EPS8L1: variants seen among roughly 807,000 people sequenced by gnomAD.
The protein encoded by EPS8L1 is epidermal growth factor receptor kinase substrate 8-like protein 1.
EPS8L1 carries 101 observed loss-of-function variants against 91.7 expected under a neutral mutation model. The observed-to-expected ratio is 1.10, with a 90% confidence interval of 0.94 to 1.30. The LOEUF is 1.30. Among genes scored for constraint, EPS8L1 ranks in the 50% most tolerant of loss-of-function variants. The pLI is 0.00. For missense variants in EPS8L1, 1,114 were observed against 1,017.0 expected, an observed-to-expected ratio of 1.10 and a Z score of -1.30; for synonymous variants, 506 against 445.3, an observed-to-expected ratio of 1.14 and a Z score of -1.72.
intron 3 of EPS8L1, 49 bp downstream of exon 3, chr19:55,078,177 A>G (rs967994384): frequency 1.9e-6 from 3 of 1,575,666 alleles, no homozygotes; most frequent in Admixed American, 1.7e-5. Context: ...GGGTCTAAAG[A>G]AACAGGACCT....
Position 55,079,869 on chromosome 19 carries a change from G to A in EPS8L1, c.279+18G>A. ...CCTCCAAGGTGCCGGGGGGCACGTGGGTGGGAGGAGTGTCTGGGGCAGGGA... is the reference window on the plus strand; with the variant it reads ...CCTCCAAGGTGCCGGGGGGCACGTGAGTGGGAGGAGTGTCTGGGGCAGGGA... On this transcript the variant is annotated intron_variant, in intron 5 of 19. Transcript: ENST00000201647. 1 of 1,600,846 alleles carries A rather than the reference G, an allele frequency of 6.2e-7. No homozygotes were observed. The highest frequency in any genetic ancestry group is 1.7e-5 in the Admixed American group (1 of 58,418).
At position 55,081,037 on chromosome 19, in the gene EPS8L1, G is replaced by T; in HGVS notation, c.512+183G>T. 1 of 925,094 alleles carries T rather than the reference G, an allele frequency of 1.1e-6. No individual in the cohort carries two copies. Among genetic ancestry groups the T allele is most frequent in the Non-Finnish European group, 1.6e-6 (1 of 632,904 alleles). 57.3% of individuals were successfully genotyped at this position (925,094 alleles called of 1,614,324 possible). A position where few individuals can be genotyped will look rare whatever the true frequency, so the allele number is the denominator to read the frequency against. On this transcript the variant is annotated intron_variant, in intron 7 of 19. Coordinates refer to ENST00000201647, the MANE Select transcript of EPS8L1 (RefSeq NM_133180.3). This position sits in a 1 kb window ranked among gnomAD's most constrained non-coding sequence, Gnocchi z 4.9. The stretch of plus-strand genomic sequence containing the variant: ...CTCCAGAACTCTGCTTCTTTTCTCT[G>T]TTCCCTGTCCAGGCCCTCAGTTTCA...
chr19:55,081,479 C>A lies in EPS8L1; in HGVS notation c.761C>A (p.Ala254Glu). The change falls in exon 8 of 20, where the codon GCG (alanine) becomes GAG (glutamate). Residue 254 changes from alanine (A) to glutamate (E), a missense_variant. Transcript: ENST00000201647. The surrounding 1 kb of genome is among the most constrained non-coding windows in gnomAD (Gnocchi z 4.9). Reference protein sequence around the residue: ...PRGPDLAVLQAEREVDILNHV... With the variant: ...PRGPDLAVLQEEREVDILNHV... ...GGTCCTGACCTGGCGGTTCTGCAGG[C>A]GGAGCGGGAAGTGGTGAGCCGCTAA... The A allele has an allele frequency of 6.3e-7, 1 of 1,587,936 alleles. No individual in the cohort carries two copies. The highest frequency in any genetic ancestry group is 8.6e-7 in the Non-Finnish European group (1 of 1,167,800).
chr19:55,080,198 CGCTCGTTGCTGCT>C lies in EPS8L1; in HGVS notation c.356_368del (p.Leu119CysfsTer24), dbSNP rs1232862652. On this transcript the variant is annotated frameshift_variant, in exon 6 of 20. Transcript: ENST00000201647. LOFTEE classifies it high-confidence loss of function. ...CGCGGTGATGCCACCCGGCAGGAGCCGCTCGTTGCTGCTGCTCGTGTGCCAGGAACCCGAGCGC... is the reference window on the plus strand; with the variant it reads ...CGCGGTGATGCCACCCGGCAGGAGCCGCTCGTGTGCCAGGAACCCGAGCGC... The C allele has an allele frequency of 6.5e-7, 1 of 1,537,312 alleles. No homozygotes were observed. Among genetic ancestry groups the C allele is most frequent in the African/African-American group, 1.4e-5 (1 of 72,976 alleles).
At position 55,083,714 on chromosome 19, in the gene EPS8L1, C is replaced by T. The variant is rs1418417727; in HGVS notation, c.1385+70C>T. The T allele has an allele frequency of 3.2e-6, 5 of 1,549,138 alleles. No individual in the cohort carries two copies. The African/African-American group carries it at 6.8e-5, about 21-fold the overall frequency. On this transcript the variant is annotated intron_variant, in intron 14 of 19. Coordinates refer to ENST00000201647, the MANE Select transcript of EPS8L1 (RefSeq NM_133180.3). This position sits in a 1 kb window ranked among gnomAD's most constrained non-coding sequence, Gnocchi z 4.7. ...GCGTCCCGGGGGCTCCCGATGCTGA[C>T]TCCGCCCCCTTTTTTTCTGTGTTTT...
chr19:55,086,873 A>AGG lies in EPS8L1; in HGVS notation c.1939_1940dup (p.Phe648AlafsTer13). On this transcript the variant is annotated frameshift_variant, in exon 18 of 20. Transcript: ENST00000201647. LOFTEE classifies it high-confidence loss of function. ...GAGGTCCGCGCCTGGCTGCAGGCCA[A>AGG]GGGCTTTAGCTCCGGGTGAGTGGGG... 1 of 1,457,978 alleles carries AGG rather than the reference A, an allele frequency of 6.9e-7. No individual in the cohort carries two copies. The highest frequency in any genetic ancestry group is 1.5e-5 in the African/African-American group (1 of 67,586). The allele number at this position is 1,457,978 out of a possible 1,614,324, so 90.3% of individuals were successfully genotyped here.
chr19:55,078,383 G>A (rs12983235), intron 3 of EPS8L1, among the ~76,000 whole-genome samples: 35 of 69,832 alleles, frequency 5.0e-4, no homozygotes, highest in Middle Eastern at 6.6e-3. Context: ...TGGACTCCTG[G>A]GTCAGAGGGA....
chr19:55,077,584 CTTTTTTTTT>C (rs35750835), intron 2 of EPS8L1, among the ~76,000 whole-genome samples: 2 of 76,878 alleles, frequency 2.6e-5, no homozygotes, highest in African/African-American at 1.0e-4. Flanking sequence ...CCTGACCTGT[CTTTTTTTTT>C]TTTTTTTTTT....
chr19:55,079,476 G>A (rs1405072407), intron 4 of EPS8L1: 3 of 620,492 alleles, frequency 4.8e-6, no homozygotes, highest in Non-Finnish European at 8.3e-6. Flanking sequence ...GGAGCCTCCA[G>A]TCTGTGAGAA....
At chr19:55,086,569 C>T in intron 17 of EPS8L1, 51 bp downstream of exon 17, 2 of 1,541,204 alleles carry the variant, frequency 1.3e-6, no homozygotes, top group Non-Finnish European at 1.8e-6. Flanking sequence ...CCTTGCTTTC[C>T]AGGCAGAGAA....
Position 55,082,467 on chromosome 19 carries a change from C to CG in EPS8L1, c.1086dup (p.Pro363AlafsTer28), listed in dbSNP as rs746955003. On this transcript the variant is annotated frameshift_variant, in exon 12 of 20. Transcript: ENST00000201647. LOFTEE classifies it high-confidence loss of function. ...CTCCCCTGACAGATTGTGAACACGT[C>CG]GGGGGGGCCGGAGTTCGCGAGCAGT... 22 of 1,611,920 alleles carry CG rather than the reference C, an allele frequency of 1.4e-5. No individual in the cohort carries two copies. Among genetic ancestry groups the CG allele is most frequent in the African/African-American group, 1.2e-4 (9 of 74,862 alleles).
chr19:55,083,513 C>T lies in EPS8L1; in HGVS notation c.1350C>T (p.Arg450=), dbSNP rs1298525089. 6 of 1,609,960 alleles carry T rather than the reference C, an allele frequency of 3.7e-6. No homozygotes were observed. The African/African-American group carries it at 4.0e-5, about 11-fold the overall frequency. The part of the protein sequence containing the change: ...VEKQLQHERR[R]RQQSAPQVAV... ...AACAGCTACAGCACGAGCGGAGGCGCCGGCAGGTGACCCAAGCGACACAGC... is the reference window on the plus strand; with the variant it reads ...AACAGCTACAGCACGAGCGGAGGCGTCGGCAGGTGACCCAAGCGACACAGC... The change falls in exon 13 of 20, where the codon CGC becomes CGT. Residue 450 remains arginine, a synonymous_variant. Coordinates refer to ENST00000201647, the MANE Select transcript of EPS8L1 (RefSeq NM_133180.3). The surrounding 1 kb of genome is among the most constrained non-coding windows in gnomAD (Gnocchi z 4.7).
chr19:55,079,650 T>A (rs372421622), intron 4 of EPS8L1, 40 bp from the exon 5 acceptor site: 6 of 1,592,740 alleles, frequency 3.8e-6, no homozygotes, highest in Non-Finnish European at 5.1e-6. Flanking sequence ...CCACCTGGCA[T>A]CATCTTGGGC....
chr19:55,082,627 G>C (rs548005303), intron 12 of EPS8L1, 25 bp downstream of exon 12: 1 of 1,542,788 alleles, frequency 6.5e-7, no homozygotes, highest in South Asian at 1.2e-5. Context: ...TGGGAGGCAG[G>C]GGGCATGGTG....
chr19:55,077,760 T>C (rs2076159231), intron 2 of EPS8L1, among the ~76,000 whole-genome samples: 1 of 151,132 alleles, frequency 6.6e-6, no homozygotes, highest in South Asian at 2.1e-4. Flanking sequence ...AGCTAATTTT[T>C]GTATTTTTAG....
In EPS8L1 at chr19:55,081,335, G is replaced by GCGCGGGC. The variant is rs1320553605; in HGVS notation, c.623_629dup (p.Arg211ProfsTer19). ...GCAGTGATCAGCACCGTAGAGCGGG[G>GCGCGGGC]CGCGGGCCGCGGACGACCCCAGGCG... On this transcript the variant is annotated frameshift_variant, in exon 8 of 20. Transcript: ENST00000201647. LOFTEE classifies it high-confidence loss of function. This position sits in a 1 kb window ranked among gnomAD's most constrained non-coding sequence, Gnocchi z 4.9. The GCGCGGGC allele has an allele frequency of 3.9e-6, 6 of 1,556,844 alleles. No homozygotes were observed. The highest frequency in any genetic ancestry group is 4.3e-6 in the Non-Finnish European group (5 of 1,156,456).
intron 17 of EPS8L1, 70 bp from the exon 18 acceptor site, chr19:55,086,644 C>A: frequency 2.7e-6 from 4 of 1,467,340 alleles, no homozygotes; most frequent in South Asian, 1.3e-5. Flanking sequence ...CGCCCCCCCG[C>A]CCCGCCCTCT....
chr19:55,084,668 C>T (rs2059975697), intron 14 of EPS8L1: 1 of 152,192 alleles, frequency 6.6e-6, no homozygotes, highest in African/African-American at 2.4e-5. Flanking sequence ...GCTGAGGTCC[C>T]TCTTATTGGG....
In EPS8L1 at chr19:55,083,782, A is replaced by G. The variant is rs1360455342; in HGVS notation, c.1385+138A>G. 2.7e-6 allele frequency: 1 copy of G among 368,326 alleles called. No individual in the cohort carries two copies. Among genetic ancestry groups the G allele is most frequent in the Non-Finnish European group, 4.6e-6 (1 of 216,276 alleles). The allele number at this position is 368,326 out of a possible 1,614,324, so 22.8% of individuals were successfully genotyped here. A position where few individuals can be genotyped will look rare whatever the true frequency, so the allele number is the denominator to read the frequency against. ...CTCTTCTCAGGTGGGTGAGATGGTG[A>G]TGGGGCGGGCCGGGGCTGGGAGAGA... On this transcript the variant is annotated intron_variant, in intron 14 of 19. Transcript: ENST00000201647. This position sits in a 1 kb window ranked among gnomAD's most constrained non-coding sequence, Gnocchi z 4.7.
Sources: gnomAD v4.1 joint callset for allele counts (sites outside exome capture counted in the v4.1 genomes callset) on GRCh38, gnomAD v4.1.1 for gene constraint, Gnocchi (gnomAD v3.1) non-coding constraint, MANE v1.5 for transcripts, NCBI Gene and HGNC (gene_info 2026-07-23, HGNC 2026-07-21) for gene names.